The following PELI2 variants were observed in gnomAD, a reference collection of about 807,000 sequenced individuals.
PELI2 encodes the protein E3 ubiquitin-protein ligase pellino homolog 2.
A neutral mutation model predicts 42.3 loss-of-function variants in PELI2; 23 were observed. That is an observed-to-expected ratio of 0.54 (90% CI 0.39 to 0.77). The LOEUF (loss-of-function observed/expected upper bound fraction) is 0.77, where lower values mean the gene tolerates loss of function less well. Among genes scored for constraint, PELI2 ranks in the 30% least tolerant of loss-of-function variants. The probability of loss-of-function intolerance (pLI) is 0.00; values close to 1 mark genes in which losing one functional copy is unlikely to be tolerated. For missense variants in PELI2, 463 were observed against 553.2 expected, an observed-to-expected ratio of 0.84 and a Z score of 1.64; for synonymous variants, 245 against 212.2, an observed-to-expected ratio of 1.15 and a Z score of -1.34.
At chr14:56,118,940 C>T (rs867354930) in intron 1 of PELI2, among the ~76,000 whole-genome samples, 150 of 150,468 alleles carry the variant, frequency 1.0e-3, no homozygotes, top group African/African-American at 3.6e-3. Context: ...CGGCGGACGC[C>T]GGGCTGCGCT....
intron 1 of PELI2, among the ~76,000 whole-genome samples, chr14:56,120,899 G>A (rs1459822383): frequency 6.6e-6 from 1 of 152,076 alleles, no homozygotes; most frequent in Non-Finnish European, 1.5e-5. Flanking sequence ...CTTGAATTGT[G>A]GTATTTTTCT....
chr14:56,252,113 C>T (rs143853040), intron 2 of PELI2, among the ~76,000 whole-genome samples: 3 of 152,186 alleles, frequency 2.0e-5, no homozygotes, highest in African/African-American at 7.2e-5. Context: ...ACTGAATGCT[C>T]TCTGTACCAG....
At chr14:56,259,307 G>C (rs1468376037) in intron 2 of PELI2, among the ~76,000 whole-genome samples, 1 of 151,856 alleles carries the variant, frequency 6.6e-6, no homozygotes, top group East Asian at 1.9e-4. Flanking sequence ...AAAAATGAGG[G>C]GAAATATGAA....
intron 2 of PELI2, among the ~76,000 whole-genome samples, chr14:56,186,861 C>T (rs559665779): frequency 1.4e-4 from 22 of 152,178 alleles, no homozygotes; most frequent in African/African-American, 3.9e-4. Flanking sequence ...CATGTCAGTG[C>T]GGAAAGAATA....
intron 2 of PELI2, among the ~76,000 whole-genome samples, chr14:56,276,071 G>A (rs538732094): frequency 3.9e-5 from 6 of 152,116 alleles, no homozygotes; most frequent in Non-Finnish European, 8.8e-5. Context: ...ATTTCTGAAA[G>A]TCATATTTTA....
intron 2 of PELI2, among the ~76,000 whole-genome samples, chr14:56,249,005 C>A (rs1888253286): frequency 6.6e-6 from 1 of 152,130 alleles, no homozygotes; most frequent in South Asian, 2.1e-4. Flanking sequence ...GTTTGTGTTT[C>A]CGTTGGGCCT....
At chr14:56,174,426 A>C (rs1001614791) in intron 1 of PELI2, among the ~76,000 whole-genome samples, 3 of 152,176 alleles carry the variant, frequency 2.0e-5, no homozygotes, top group Non-Finnish European at 4.4e-5. Context: ...CCTTAGGGTA[A>C]AAAGCCATAA....
intron 2 of PELI2, among the ~76,000 whole-genome samples, chr14:56,234,609 G>T (rs956898191): frequency 6.6e-6 from 1 of 152,142 alleles, no homozygotes; most frequent in African/African-American, 2.4e-5. Context: ...GGTGGGTTGT[G>T]GGGAGGGGTG....
In PELI2 at chr14:56,176,629, ACT is replaced by A. The variant is rs1885397105; in HGVS notation, c.78-1701_78-1700del. On this transcript the variant is annotated intron_variant, in intron 1 of 5. Coordinates refer to ENST00000267460, the MANE Select transcript of PELI2 (RefSeq NM_021255.3). The stretch of plus-strand genomic sequence containing the variant: ...AGATGTTCCTCATAGATAAGGAATG[ACT>A]CTCTGGTTTGGCCACTCTTGGATAC... Among the ~76,000 whole-genome samples the A allele has an allele frequency of 3.3e-5, 5 of 152,012 alleles. No homozygotes were observed. In the South Asian group the frequency reaches 6.2e-4, roughly 19 times the overall value.
intron 1 of PELI2, among the ~76,000 whole-genome samples, chr14:56,153,084 T>C (rs1884422556): frequency 6.6e-6 from 1 of 152,216 alleles, no homozygotes; most frequent in South Asian, 2.1e-4. Flanking sequence ...CGGGAAATAT[T>C]GCATGTTGTT....
chr14:56,269,049 G>C (rs2139850448), intron 2 of PELI2, among the ~76,000 whole-genome samples: 1 of 152,306 alleles, frequency 6.6e-6, no homozygotes, highest in South Asian at 2.1e-4. Context: ...ATGTGAACAT[G>C]TTTATATAGA....
At chr14:56,234,427 A>G (rs1887707533) in intron 2 of PELI2, among the ~76,000 whole-genome samples, 1 of 152,218 alleles carries the variant, frequency 6.6e-6, no homozygotes, top group South Asian at 2.1e-4. Flanking sequence ...AGCCACAAAA[A>G]AGGATGAGTT....
intron 1 of PELI2, among the ~76,000 whole-genome samples, chr14:56,164,121 T>C (rs1884866918): frequency 6.6e-6 from 1 of 152,132 alleles, no homozygotes; most frequent in African/African-American, 2.4e-5. Context: ...ATCGTTGTTA[T>C]GTTCCAGATC....
At chr14:56,237,238 C>T (rs560349533) in intron 2 of PELI2, among the ~76,000 whole-genome samples, 30 of 152,276 alleles carry the variant, frequency 2.0e-4, no homozygotes, top group African/African-American at 6.7e-4. Context: ...AGAGTGCCTA[C>T]TTAGACAAAC....
rs964776004 is a variant in PELI2, at chr14:56,297,584, C to T, written c.*418C>T. On this transcript the variant is annotated 3_prime_UTR_variant, in exon 6 of 6. Transcript: ENST00000267460. ...AGTGCAGTGTGGTGTAGGTGTTACG[C>T]GAAGGGCGCACAGTGTCTAGAAATA... 8.8e-5 allele frequency: 16 copies of T among 181,792 alleles called. No homozygotes were observed. The highest frequency in any genetic ancestry group is 3.3e-4 in the African/African-American group (14 of 41,864). The allele number at this position is 181,792 out of a possible 1,614,324, so 11.3% of individuals were successfully genotyped here.
intron 2 of PELI2, among the ~76,000 whole-genome samples, chr14:56,258,296 C>A (rs191590591): frequency 1.7e-4 from 26 of 151,958 alleles, no homozygotes; most frequent in South Asian, 1.0e-3. Flanking sequence ...ACCGCCCCCC[C>A]ACCCCCGCAA....
At chr14:56,123,666 T>C (rs1195271628) in intron 1 of PELI2, among the ~76,000 whole-genome samples, 14 of 152,248 alleles carry the variant, frequency 9.2e-5, no homozygotes, top group Admixed American at 9.2e-4. Flanking sequence ...TTAGGTCTTT[T>C]CATTTCTGGT....
intron 1 of PELI2, among the ~76,000 whole-genome samples, chr14:56,169,131 T>A (rs1885075566): frequency 6.6e-6 from 1 of 152,162 alleles, no homozygotes; most frequent in Admixed American, 6.5e-5. Context: ...AGCCACAAGC[T>A]GTGCAGCCTG....
chr14:56,136,553 C>T (rs886688905), intron 1 of PELI2, among the ~76,000 whole-genome samples: 4 of 152,098 alleles, frequency 2.6e-5, no homozygotes, highest in Admixed American at 6.5e-5. Context: ...TAGAGGGCTG[C>T]CTTTTGTTTA....
Sources: allele counts gnomAD v4.1 joint callset (sites outside exome capture counted in the v4.1 genomes callset), GRCh38; gene constraint gnomAD v4.1.1; transcripts MANE v1.5; gene names NCBI Gene and HGNC (gene_info 2026-07-23, HGNC 2026-07-21).